ST8SIA6: variants seen among roughly 807,000 people sequenced by gnomAD.
ST8SIA6 encodes ST8 alpha-N-acetyl-neuraminide alpha-2,8-sialyltransferase 6, also known as alpha-2,8-sialyltransferase 8F.
In ST8SIA6, 39 loss-of-function variants were observed where a neutral mutation model predicts 33.6. The ratio of observed to expected loss-of-function variants is 1.16; its 90% CI spans 0.90 to 1.52. The LOEUF (loss-of-function observed/expected upper bound fraction) is 1.52, where lower values mean the gene tolerates loss of function less well. Ranked by LOEUF, ST8SIA6 falls within the 40% of genes most tolerant of loss-of-function variation. The pLI is 0.00. For synonymous variants in ST8SIA6, 172 were observed against 167.2 expected (o/e 1.03, Z -0.22); for missense variants, 441 against 443.8 (o/e 0.99, Z 0.06).
At chr10:17,402,781 C>T (rs533533012) in intron 2 of ST8SIA6, among the ~76,000 whole-genome samples, 65 of 148,802 alleles carry the variant, frequency 4.4e-4, no homozygotes, top group African/African-American at 1.1e-3. Context: ...TTGTTGGGGT[C>T]GGGGGAGTGG....
chr10:17,425,051 C>G (rs1437101617), intron 2 of ST8SIA6, among the ~76,000 whole-genome samples: 2 of 152,028 alleles, frequency 1.3e-5, no homozygotes, highest in Admixed American at 1.3e-4. Flanking sequence ...AATGTTAACT[C>G]TAAAAAAATT....
At chr10:17,359,491 A>G in intron 4 of ST8SIA6, 23 bp downstream of exon 4, 1 of 1,525,356 alleles carries the variant, frequency 6.6e-7, no homozygotes, top group Non-Finnish European at 9.0e-7. Context: ...TTAAAATCTC[A>G]TATTATTTAT....
chr10:17,390,643 A>T (rs1288735738), intron 2 of ST8SIA6, 23 bp from the exon 3 acceptor site: 5 of 1,576,436 alleles, frequency 3.2e-6, no homozygotes, highest in Non-Finnish European at 4.3e-6. Flanking sequence ...AGAGATTTTT[A>T]AAAAGATTGA....
In ST8SIA6 at chr10:17,347,515, C is replaced by T. The variant is rs191926200; in HGVS notation, c.377+11999G>A. 4.2e-3 allele frequency among the ~76,000 whole-genome samples: 633 copies of T among 151,640 alleles called. 5 individuals carry two copies. Among genetic ancestry groups the T allele is most frequent in the Non-Finnish European group, 4.5e-3 (305 of 67,842 alleles). On this transcript the variant is annotated intron_variant, in intron 4 of 7. Transcript: ENST00000377602. ...CTAAGACTTGTAAAGAAAAAAAAAA[C>T]GGGATCACGTTGCAGAATCGGAGTG...
At chr10:17,365,425 T>A (rs1427622244) in intron 3 of ST8SIA6, among the ~76,000 whole-genome samples, 2 of 152,226 alleles carry the variant, frequency 1.3e-5, no homozygotes, top group African/African-American at 4.8e-5. Context: ...CAGCCACCCA[T>A]GGTGAACCAC....
At chr10:17,366,844 A>C (rs1849575573) in intron 3 of ST8SIA6, among the ~76,000 whole-genome samples, 5 of 152,124 alleles carry the variant, frequency 3.3e-5, no homozygotes, top group Admixed American at 3.3e-4. Flanking sequence ...TTCTCCTGCC[A>C]ATGACTCCCA....
At chr10:17,383,118 G>A (rs897296275) in intron 3 of ST8SIA6, among the ~76,000 whole-genome samples, 1 of 151,484 alleles carries the variant, frequency 6.6e-6, no homozygotes, top group East Asian at 1.9e-4. Flanking sequence ...AAGAATGAAG[G>A]TTTTCACTTT....
At chr10:17,401,128 C>T (rs1851023066) in intron 2 of ST8SIA6, among the ~76,000 whole-genome samples, 1 of 152,068 alleles carries the variant, frequency 6.6e-6, no homozygotes, top group Admixed American at 6.6e-5. Context: ...CATTCTTATA[C>T]ACCAATAACA....
rs755461453 is a variant in ST8SIA6 at position 17,321,017 on chromosome 10, A to G, written c.1058T>C (p.Ile353Thr). The G allele has an allele frequency of 5.6e-6, 9 of 1,614,016 alleles. No individual in the cohort carries two copies. In the South Asian group the frequency reaches 8.8e-5, roughly 16 times the overall value. The stretch of plus-strand genomic sequence containing the variant: ...GTCATAATAGTGATGGCTGACAGGT[A>G]TGTCTTCTACAGTTTTAGAGAAGGG... ...FWPFSKTVED[I>T]PVSHHYYDNK... is the part of the protein sequence containing the mutation. Residue 353 changes from isoleucine (I) to threonine (T), a missense_variant, in exon 8 of 8, where the codon ATA (isoleucine) becomes ACA (threonine). Transcript: ENST00000377602.
chr10:17,392,597 G>A (rs1850656935), intron 2 of ST8SIA6, among the ~76,000 whole-genome samples: 1 of 152,170 alleles, frequency 6.6e-6, no homozygotes, highest in Non-Finnish European at 1.5e-5. Flanking sequence ...AAAGATAATA[G>A]GATTCAAGGT....
rs554558801 is a variant in ST8SIA6 at position 17,434,850 on chromosome 10, T to C, written c.200+18709A>G. ...CTGGCATGGTTTATGGTTTCTCTTG[T>C]GACTTTCTGGAGAGGGCAACTTTCT... On this transcript the variant is annotated intron_variant, in intron 2 of 7. Transcript: ENST00000377602. Among the ~76,000 whole-genome samples, 6 of 152,292 alleles carry C rather than the reference T, an allele frequency of 3.9e-5. No individual in the cohort carries two copies. In the East Asian group the frequency reaches 1.2e-3, roughly 29 times the overall value.
chr10:17,434,186 G>T (rs184438465), intron 2 of ST8SIA6, among the ~76,000 whole-genome samples: 12 of 152,282 alleles, frequency 7.9e-5, no homozygotes, highest in African/African-American at 2.9e-4. Context: ...TGGGAGCAGG[G>T]ACAGATGCTT....
At chr10:17,332,022 ATAAG>A (rs760502059) in intron 4 of ST8SIA6, among the ~76,000 whole-genome samples, 15 of 152,146 alleles carry the variant, frequency 9.9e-5, no homozygotes, top group Non-Finnish European at 1.9e-4. Flanking sequence ...ACTCCCACTT[ATAAG>A]TAAGAACATG....
intron 4 of ST8SIA6, among the ~76,000 whole-genome samples, chr10:17,352,215 C>G (rs371308273): frequency 7.6e-4 from 115 of 152,164 alleles, no homozygotes; most frequent in Non-Finnish European, 1.2e-3. Flanking sequence ...AAGTAAAACT[C>G]TTCAAAAAGT....
intron 2 of ST8SIA6, among the ~76,000 whole-genome samples, chr10:17,430,367 G>A (rs547796339): frequency 5.9e-5 from 9 of 152,040 alleles, no homozygotes; most frequent in Middle Eastern, 3.4e-3. Context: ...GTGTGTGCAT[G>A]TGTATTTTTC....
At chr10:17,399,934 A>G (rs918373868) in intron 2 of ST8SIA6, among the ~76,000 whole-genome samples, 2 of 147,264 alleles carry the variant, frequency 1.4e-5, no homozygotes, top group African/African-American at 2.5e-5. Flanking sequence ...AAAAAAAAAA[A>G]GTAAAATTGT....
chr10:17,359,467 T>C (rs1849310771), intron 4 of ST8SIA6, 47 bp downstream of exon 4: 1 of 1,429,714 alleles, frequency 7.0e-7, no homozygotes, highest in Non-Finnish European at 9.7e-7. Flanking sequence ...ACAAAGCAAA[T>C]GAACAAGACA....
intron 2 of ST8SIA6, among the ~76,000 whole-genome samples, chr10:17,439,241 G>A (rs996280754): frequency 4.7e-5 from 7 of 149,744 alleles, no homozygotes; most frequent in African/African-American, 1.7e-4. Context: ...TACAGGTCAT[G>A]CATTATTACT....
At chr10:17,326,085 C>A (rs190870887) in intron 6 of ST8SIA6, among the ~76,000 whole-genome samples, 1 of 152,256 alleles carries the variant, frequency 6.6e-6, no homozygotes, top group East Asian at 1.9e-4. Flanking sequence ...AGAACACATT[C>A]AATAATTGTT....
Sources: gnomAD v4.1 joint callset for allele counts (sites outside exome capture counted in the v4.1 genomes callset) on GRCh38, gnomAD v4.1.1 for gene constraint, MANE v1.5 for transcripts, NCBI Gene and HGNC (gene_info 2026-07-23, HGNC 2026-07-21) for gene names.